TRABD2B: variants seen among roughly 807,000 people sequenced by gnomAD.
The protein encoded by TRABD2B is TraB domain containing 2B.
Under a neutral mutation model 40.1 loss-of-function variants are expected in TRABD2B, and 14 were observed. The ratio of observed to expected loss-of-function variants is 0.35; its 90% CI spans 0.23 to 0.55. The LOEUF (loss-of-function observed/expected upper bound fraction) is 0.55, where lower values mean the gene tolerates loss of function less well. Among genes scored for constraint, TRABD2B ranks in the 20% least tolerant of loss-of-function variants. The pLI is 0.90. For missense variants in TRABD2B, 541 were observed against 648.6 expected (o/e 0.83, Z 1.80); for synonymous variants, 263 against 277.0 (o/e 0.95, Z 0.50).
intron 2 of TRABD2B, among the ~76,000 whole-genome samples, chr1:47,832,685 C>A (rs1250580781): frequency 6.6e-6 from 1 of 152,172 alleles, no homozygotes; most frequent in East Asian, 1.9e-4. Flanking sequence ...TACTTGAGCA[C>A]CTGCTGTCTA....
At chr1:47,962,344 C>T (rs1450709208) in intron 2 of TRABD2B, among the ~76,000 whole-genome samples, 1 of 152,032 alleles carries the variant, frequency 6.6e-6, no homozygotes, top group East Asian at 1.9e-4. Context: ...CACATGTACC[C>T]TAGAACTTAA....
At position 47,801,479 on chromosome 1, in the gene TRABD2B, T is replaced by C; in HGVS notation, c.807A>G (p.Thr269=). The change falls in exon 3 of 7, where the codon ACA becomes ACG. Residue 269 remains threonine, a synonymous_variant. Transcript: ENST00000606738. ...CTTTGGAGAGGAGCCTCACCTGGGA[T>C]GTGTCGTGGTTGAAGATGACTGCGC... ...DLSAVIFNHD[T]SQLPNFINTT... is the part of the protein sequence containing the mutation. 1.3e-6 allele frequency: 2 copies of C among 1,535,896 alleles called. No individual in the cohort carries two copies. The highest frequency in any genetic ancestry group is 1.7e-6 in the Non-Finnish European group (2 of 1,146,770).
chr1:47,795,011 T>C (rs1407988696), intron 3 of TRABD2B, among the ~76,000 whole-genome samples: 2 of 152,290 alleles, frequency 1.3e-5, no homozygotes, highest in East Asian at 1.9e-4. Context: ...GCTCAAGCAA[T>C]CCTCCTGCCT....
At chr1:47,869,733 T>G (rs884133) in intron 2 of TRABD2B, among the ~76,000 whole-genome samples, 1 of 152,000 alleles carries the variant, frequency 6.6e-6, no homozygotes, top group Non-Finnish European at 1.5e-5. Flanking sequence ...CAAAATCGCA[T>G]TGCCTTTGAG....
intron 2 of TRABD2B, among the ~76,000 whole-genome samples, chr1:47,949,401 CTT>C (rs35027686): frequency 8.7e-5 from 7 of 80,282 alleles, no homozygotes; most frequent in South Asian, 1.2e-3. Flanking sequence ...TCTTTTCTTT[CTT>C]TTTTTTTTTT....
At chr1:47,881,677 T>C (rs189137250) in intron 2 of TRABD2B, among the ~76,000 whole-genome samples, 2 of 152,328 alleles carry the variant, frequency 1.3e-5, no homozygotes, top group Admixed American at 6.5e-5. Context: ...GACCAGGTGC[T>C]TGGGTGACTG....
At chr1:47,918,905 C>T (rs896098200) in intron 2 of TRABD2B, among the ~76,000 whole-genome samples, 15 of 152,314 alleles carry the variant, frequency 9.8e-5, no homozygotes, top group Admixed American at 5.9e-4. Context: ...CTCTAAGTGG[C>T]CCCAGAAAAC....
At chr1:47,799,371 C>T (rs1374817961) in intron 3 of TRABD2B, among the ~76,000 whole-genome samples, 3 of 152,164 alleles carry the variant, frequency 2.0e-5, no homozygotes, top group Non-Finnish European at 2.9e-5. Context: ...GGTGAGATTC[C>T]TAGGAGCCTC....
intron 4 of TRABD2B, among the ~76,000 whole-genome samples, chr1:47,790,174 G>C (rs1644651827): frequency 3.9e-5 from 6 of 152,268 alleles, no homozygotes; most frequent in Middle Eastern, 3.4e-3. Context: ...TTATTTTTCT[G>C]TTAATTGTAC....
intron 2 of TRABD2B, among the ~76,000 whole-genome samples, chr1:47,851,566 C>T (rs1325655909): frequency 6.6e-6 from 1 of 152,194 alleles, no homozygotes; most frequent in Admixed American, 6.5e-5. Context: ...TATACTGGAG[C>T]TGAAGAAATG....
intron 2 of TRABD2B, among the ~76,000 whole-genome samples, chr1:47,901,179 G>C (rs1644595101): frequency 1.3e-5 from 2 of 152,282 alleles, no homozygotes; most frequent in South Asian, 4.1e-4. Flanking sequence ...CTGCAAAAGG[G>C]TAAGGCAGAT....
chr1:47,869,364 G>A (rs1644107904), intron 2 of TRABD2B, among the ~76,000 whole-genome samples: 1 of 152,186 alleles, frequency 6.6e-6, no homozygotes, highest in South Asian at 2.1e-4. Context: ...CCAGCAATAG[G>A]TCTGCAATGT....
intron 2 of TRABD2B, among the ~76,000 whole-genome samples, chr1:47,844,803 T>C (rs987504439): frequency 6.6e-6 from 1 of 152,050 alleles, no homozygotes; most frequent in African/African-American, 2.4e-5. Flanking sequence ...GGAACTTGGG[T>C]AAATTCTTCA....
chr1:47,944,788 G>GA lies in TRABD2B; in HGVS notation c.666+49245dup, dbSNP rs1480279304. ...GCTCACGGACATGGCTACCACAGTA[G>GA]AAGATGTGATAAGCAGGCTGATTCC... is the stretch of plus-strand genomic sequence containing the variant. On this transcript the variant is annotated intron_variant, in intron 2 of 6. Coordinates refer to ENST00000606738, the MANE Select transcript of TRABD2B (RefSeq NM_001194986.2). 2.6e-5 allele frequency among the ~76,000 whole-genome samples: 4 copies of GA among 152,332 alleles called. 1 individual carries two copies. Among genetic ancestry groups the GA allele is most frequent in the African/African-American group, 9.6e-5 (4 of 41,574 alleles).
intron 2 of TRABD2B, among the ~76,000 whole-genome samples, chr1:47,857,947 G>A (rs1447247090): frequency 2.3e-5 from 3 of 131,714 alleles, no homozygotes; most frequent in Non-Finnish European, 4.6e-5. Flanking sequence ...TTGCAGACAG[G>A]TGAGTACACA....
At chr1:47,854,309 T>C (rs1284975722) in intron 2 of TRABD2B, among the ~76,000 whole-genome samples, 3 of 152,214 alleles carry the variant, frequency 2.0e-5, no homozygotes, top group African/African-American at 7.2e-5. Context: ...TTACCCTCCT[T>C]TGGCCTCTCT....
rs141103653 is a variant in TRABD2B, at chr1:47,847,959, C to T, written c.667-46340G>A. Among the ~76,000 whole-genome samples the T allele has an allele frequency of 8.1e-4, 124 of 152,262 alleles. No homozygotes were observed. The Middle Eastern group carries it at 0.017, about 21-fold the overall frequency. ...TATTAATGACATGGGGCGGGGCTGA[C>T]GCCATAAATTCCAGCTACCTGAGAG... On this transcript the variant is annotated intron_variant, in intron 2 of 6. Transcript: ENST00000606738.
chr1:47,781,898 C>G (rs182112256), intron 4 of TRABD2B, among the ~76,000 whole-genome samples: 1 of 152,322 alleles, frequency 6.6e-6, no homozygotes, highest in African/African-American at 2.4e-5. Context: ...CCAGTGCTCA[C>G]GACTCCATTC....
rs1252841257 is a variant in TRABD2B at position 47,764,543 on chromosome 1, A to T, written c.*1359T>A. On this transcript the variant is annotated 3_prime_UTR_variant, in exon 7 of 7. Coordinates refer to ENST00000606738, the MANE Select transcript of TRABD2B (RefSeq NM_001194986.2). The stretch of plus-strand genomic sequence containing the variant: ...TGCCCCACAGCTGTGCCCACCTCTC[A>T]GCCTTTGATTTGGCAGGAAAGCTTC... 6.6e-6 allele frequency: 1 copy of T among 152,060 alleles called. No individual in the cohort carries two copies. The highest frequency in any genetic ancestry group is 1.5e-5 in the Non-Finnish European group (1 of 68,032). 9.4% of individuals were successfully genotyped at this position (152,060 alleles called of 1,614,324 possible).
Sources: gnomAD v4.1 joint callset for allele counts (sites outside exome capture counted in the v4.1 genomes callset) on GRCh38, gnomAD v4.1.1 for gene constraint, MANE v1.5 for transcripts, NCBI Gene and HGNC (gene_info 2026-07-23, HGNC 2026-07-21) for gene names.